Variants in MAF observed in about 807,000 individuals in gnomAD.
The protein encoded by MAF is transcription factor Maf.
A neutral mutation model predicts 22.0 loss-of-function variants in MAF; 10 were observed. The ratio of observed to expected loss-of-function variants is 0.45; its 90% confidence interval spans 0.28 to 0.77. The LOEUF is 0.77. Ranked by LOEUF, MAF falls within the 30% of genes least tolerant of loss-of-function variation. The pLI is 0.12. For synonymous variants in MAF, 337 were observed against 255.8 expected, an observed-to-expected ratio of 1.32 and a Z score of -3.03; for missense variants, 544 against 548.4, an observed-to-expected ratio of 0.99 and a Z score of 0.08.
the MAF span, among the ~76,000 whole-genome samples, chr16:79,449,833 A>G: frequency 1.3e-5 from 2 of 152,228 alleles, no homozygotes; most frequent in Non-Finnish European, 2.9e-5. Flanking sequence ...TAACTCTAGA[A>G]GAGGTTCAAG....
the MAF span, among the ~76,000 whole-genome samples, chr16:79,548,722 A>G: frequency 6.6e-6 from 1 of 152,110 alleles, no homozygotes; most frequent in South Asian, 2.1e-4. Flanking sequence ...TGCCCATTGA[A>G]TACCTGCCCA....
chr16:79,508,423 G>C, the MAF span, among the ~76,000 whole-genome samples: 1 of 152,158 alleles, frequency 6.6e-6, no homozygotes, highest in Non-Finnish European at 1.5e-5. Context: ...CCTCCTGGGT[G>C]TAGGTCACTC....
At chr16:79,457,681 G>T in the MAF span, among the ~76,000 whole-genome samples, 6 of 152,090 alleles carry the variant, frequency 3.9e-5, no homozygotes, top group Admixed American at 3.9e-4. Flanking sequence ...AGGAAGACAT[G>T]TTACAGAATC....
the MAF span, among the ~76,000 whole-genome samples, chr16:79,439,811 C>T: frequency 2.6e-5 from 4 of 152,166 alleles, no homozygotes; most frequent in Admixed American, 6.5e-5. Context: ...CCAGCAGTCA[C>T]GGGATGGAAA....
chr16:79,297,071 C>T, the MAF span, among the ~76,000 whole-genome samples: 3 of 152,172 alleles, frequency 2.0e-5, no homozygotes, highest in Non-Finnish European at 4.4e-5. Flanking sequence ...TTAATACAGT[C>T]GCTTCTTACT....
chr16:79,511,246 C>CA, the MAF span, among the ~76,000 whole-genome samples: 31 of 146,538 alleles, frequency 2.1e-4, no homozygotes, highest in African/African-American at 5.0e-4. Context: ...GTTTCCTTTT[C>CA]AAAAAAAAAG....
At chr16:79,408,784 C>T in the MAF span, among the ~76,000 whole-genome samples, 19 of 151,916 alleles carry the variant, frequency 1.3e-4, 1 homozygote, top group Middle Eastern at 3.4e-3. Context: ...AAACTAGATA[C>T]TAAGGATACA....
the MAF span, among the ~76,000 whole-genome samples, chr16:79,421,503 C>G: frequency 3.9e-5 from 6 of 152,182 alleles, no homozygotes; most frequent in Non-Finnish European, 2.9e-5. Flanking sequence ...GCTCTTGTCA[C>G]TTAGTAATAT....
chr16:79,324,764 G>C, the MAF span, among the ~76,000 whole-genome samples: 1 of 152,076 alleles, frequency 6.6e-6, no homozygotes, highest in Non-Finnish European at 1.5e-5. Context: ...GACTGTATTT[G>C]TTTTCTGCAG....
the MAF span, among the ~76,000 whole-genome samples, chr16:79,457,500 T>A: frequency 6.6e-6 from 1 of 151,890 alleles, no homozygotes; most frequent in East Asian, 1.9e-4. Context: ...AATGTCAGTA[T>A]TTTTTCATTC....
At chr16:79,492,089 T>C in the MAF span, among the ~76,000 whole-genome samples, 9 of 152,214 alleles carry the variant, frequency 5.9e-5, no homozygotes, top group South Asian at 1.2e-3. Context: ...AAAGAGCCTA[T>C]CTAATAATAA....
the MAF span, among the ~76,000 whole-genome samples, chr16:79,258,419 A>G: frequency 3.9e-4 from 60 of 152,152 alleles, no homozygotes; most frequent in African/African-American, 1.4e-3. Flanking sequence ...TGACAAATGG[A>G]GCTGCATCAG....
the MAF span, among the ~76,000 whole-genome samples, chr16:79,209,230 C>G: frequency 1.3e-5 from 2 of 152,154 alleles, no homozygotes; most frequent in Admixed American, 6.5e-5. Context: ...CCTTTAGATT[C>G]CGTGGAAGGA....
chr16:79,455,796 C>G, the MAF span, among the ~76,000 whole-genome samples: 2 of 152,132 alleles, frequency 1.3e-5, no homozygotes, highest in Non-Finnish European at 2.9e-5. Context: ...GGTGGGCAGA[C>G]TGCCTGAGGT....
At chr16:79,504,053 C>A in the MAF span, among the ~76,000 whole-genome samples, 2 of 152,158 alleles carry the variant, frequency 1.3e-5, no homozygotes, top group African/African-American at 4.8e-5. Flanking sequence ...AGGATAAGTT[C>A]TTCCACTCAT....
chr16:79,338,558 G>A, the MAF span, among the ~76,000 whole-genome samples: 1 of 151,874 alleles, frequency 6.6e-6, no homozygotes, highest in Non-Finnish European at 1.5e-5. Flanking sequence ...CAATCGTGTT[G>A]AAAACGTACA....
At chr16:79,499,608 C>T in the MAF span, among the ~76,000 whole-genome samples, 2 of 151,962 alleles carry the variant, frequency 1.3e-5, no homozygotes, top group Non-Finnish European at 1.5e-5. Flanking sequence ...AAAAAGAGGC[C>T]CCAAAGAGCT....
the MAF span, chr16:79,204,198 T>C: frequency 6.6e-6 from 1 of 152,158 alleles, no homozygotes; most frequent in Non-Finnish European, 1.5e-5. Flanking sequence ...GCAATGTAGG[T>C]ATCCCAGGCA....
chr16:79,441,126 C>T, the MAF span, among the ~76,000 whole-genome samples: 5 of 152,206 alleles, frequency 3.3e-5, no homozygotes, highest in African/African-American at 9.6e-5. Flanking sequence ...TACATGCCAG[C>T]TGTTTTTATT....
Sources: allele counts gnomAD v4.1 joint callset (sites outside exome capture counted in the v4.1 genomes callset), GRCh38; gene constraint gnomAD v4.1.1; transcripts MANE v1.5; gene names NCBI Gene and HGNC (gene_info 2026-07-23, HGNC 2026-07-21).